KLHL32: variants seen among roughly 807,000 people sequenced by gnomAD.
The protein encoded by KLHL32 is kelch like family member 32.
In KLHL32, 35 loss-of-function variants were observed where a neutral mutation model predicts 64.8. The observed-to-expected ratio is 0.54, with a 90% confidence interval of 0.41 to 0.72. The LOEUF (loss-of-function observed/expected upper bound fraction) is 0.72. Among genes scored for constraint, KLHL32 ranks in the 30% least tolerant of loss-of-function variants. KLHL32 has a pLI of 0.00. For synonymous variants in KLHL32, 259 were observed against 281.0 expected (o/e 0.92, Z 0.78); for missense variants, 589 against 768.5 (o/e 0.77, Z 2.76).
rs1210280434 is a variant in KLHL32 at position 97,085,349 on chromosome 6, C to T, written c.627+8C>T. 6.2e-6 allele frequency: 10 copies of T among 1,610,876 alleles called. No homozygotes were observed. The highest frequency in any genetic ancestry group is 1.7e-5 in the Admixed American group (1 of 59,980). On this transcript the variant is annotated splice_region_variant and intron_variant, in intron 6 of 10. Coordinates refer to ENST00000369261, the MANE Select transcript of KLHL32 (RefSeq NM_052904.4). ...GAAGAGCAGATCTGGCAGGTAAGGG[C>T]GCTGTGCACGGTCGCTTTTGGCACT...
At chr6:96,983,054 A>G (rs1386772738) in intron 3 of KLHL32, among the ~76,000 whole-genome samples, 2 of 152,252 alleles carry the variant, frequency 1.3e-5, no homozygotes, top group Non-Finnish European at 2.9e-5. Context: ...GATACGTCCC[A>G]TCAATACCTA....
At chr6:96,998,285 C>T (rs1778632939) in intron 3 of KLHL32, among the ~76,000 whole-genome samples, 1 of 152,206 alleles carries the variant, frequency 6.6e-6, no homozygotes, top group Non-Finnish European at 1.5e-5. Flanking sequence ...CTTCTGGGCA[C>T]ATACTAAGCA....
intron 3 of KLHL32, among the ~76,000 whole-genome samples, chr6:97,008,217 C>T (rs1427432948): frequency 1.3e-5 from 2 of 152,090 alleles, no homozygotes; most frequent in Admixed American, 6.6e-5. Flanking sequence ...CGTGGCAGCC[C>T]TGTGTGTTTC....
chr6:97,057,835 T>A (rs1251533807), intron 4 of KLHL32, among the ~76,000 whole-genome samples: 1 of 152,168 alleles, frequency 6.6e-6, no homozygotes, highest in Non-Finnish European at 1.5e-5. Context: ...GTTATCTAGA[T>A]CTTCTCCTAT....
chr6:97,077,393 A>ATT (rs541096197), intron 5 of KLHL32, among the ~76,000 whole-genome samples: 20 of 148,012 alleles, frequency 1.4e-4, no homozygotes, highest in Non-Finnish European at 2.7e-4. Flanking sequence ...ATAATGTCTG[A>ATT]TTTTTTTTTT....
intron 3 of KLHL32, among the ~76,000 whole-genome samples, chr6:96,988,516 C>G (rs1420544087): frequency 6.6e-6 from 1 of 152,126 alleles, no homozygotes; most frequent in African/African-American, 2.4e-5. Context: ...GGACTGTAAA[C>G]TAGTTCAACC....
intron 1 of KLHL32, among the ~76,000 whole-genome samples, chr6:96,937,139 A>G (rs1770707793): frequency 1.3e-5 from 2 of 152,206 alleles, no homozygotes; most frequent in Non-Finnish European, 2.9e-5. Context: ...AGTTTGTAGC[A>G]AATGTATAGC....
At chr6:97,103,431 T>C (rs747430069) in intron 6 of KLHL32, among the ~76,000 whole-genome samples, 1 of 152,166 alleles carries the variant, frequency 6.6e-6, no homozygotes, top group Admixed American at 6.5e-5. Context: ...GCCAGGATGG[T>C]CTCGATCTCC....
chr6:97,034,702 G>T (rs1481623500), intron 3 of KLHL32, among the ~76,000 whole-genome samples: 1 of 151,858 alleles, frequency 6.6e-6, no homozygotes, highest in East Asian at 1.9e-4. Flanking sequence ...ATAATTTTCA[G>T]TTAACAAGTC....
chr6:97,010,324 G>T (rs947843480), intron 3 of KLHL32: 1 of 152,072 alleles, frequency 6.6e-6, no homozygotes, highest in Non-Finnish European at 1.5e-5. Flanking sequence ...GTGGAGCAGG[G>T]TTGCTGTATT....
intron 3 of KLHL32, among the ~76,000 whole-genome samples, chr6:97,031,785 T>C (rs1288929156): frequency 6.6e-6 from 1 of 152,122 alleles, no homozygotes; most frequent in East Asian, 1.9e-4. Flanking sequence ...AAGCCAGAGA[T>C]AGGGATTTAG....
chr6:97,011,890 G>GC (rs1419050803), intron 3 of KLHL32, among the ~76,000 whole-genome samples: 1 of 152,120 alleles, frequency 6.6e-6, no homozygotes, highest in Non-Finnish European at 1.5e-5. Context: ...TTATTTGTTT[G>GC]CTAACCTCAG....
At position 97,104,817 on chromosome 6, in the gene KLHL32, G is replaced by C. The variant is rs1796189661; in HGVS notation, c.628-8966G>C. On this transcript the variant is annotated intron_variant, in intron 6 of 10. Coordinates refer to ENST00000369261, the MANE Select transcript of KLHL32 (RefSeq NM_052904.4). ...TTCTGGTAAAGGAAAATGCTCTGAT[G>C]CTGCGTCCCTAGTTTCTGGTGCTTT... 2.0e-5 allele frequency among the ~76,000 whole-genome samples: 3 copies of C among 152,192 alleles called. No homozygotes were observed. The South Asian group carries it at 6.2e-4, about 31-fold the overall frequency.
At chr6:97,108,685 T>C (rs1178411431) in intron 6 of KLHL32, among the ~76,000 whole-genome samples, 1 of 152,256 alleles carries the variant, frequency 6.6e-6, no homozygotes, top group Non-Finnish European at 1.5e-5. Context: ...AGTAACACTT[T>C]TACATTTATG....
intron 4 of KLHL32, among the ~76,000 whole-genome samples, chr6:97,045,306 A>G (rs907368314): frequency 1.3e-5 from 2 of 152,128 alleles, no homozygotes; most frequent in Non-Finnish European, 2.9e-5. Context: ...TAAATCATGT[A>G]TTTTGTGTTT....
chr6:97,099,038 G>T (rs893611759), intron 6 of KLHL32, among the ~76,000 whole-genome samples: 2 of 152,172 alleles, frequency 1.3e-5, no homozygotes, highest in African/African-American at 4.8e-5. Flanking sequence ...TCAAGCAAAG[G>T]CCGTTTCATC....
At chr6:96,940,345 A>G (rs1276808574) in intron 1 of KLHL32, among the ~76,000 whole-genome samples, 1 of 152,198 alleles carries the variant, frequency 6.6e-6, no homozygotes, top group East Asian at 1.9e-4. Context: ...AGAGAGGGAT[A>G]AGCAAAAAGG....
the KLHL32 span, among the ~76,000 whole-genome samples, chr6:96,898,875 T>C: frequency 6.6e-6 from 1 of 152,210 alleles, no homozygotes; most frequent in Non-Finnish European, 1.5e-5. Flanking sequence ...GTATTTCTCT[T>C]ACTGTGGCTG....
chr6:96,987,125 G>T (rs535393773), intron 3 of KLHL32, among the ~76,000 whole-genome samples: 1 of 151,928 alleles, frequency 6.6e-6, no homozygotes, highest in Non-Finnish European at 1.5e-5. Context: ...TCTTGCTAGC[G>T]GTCTATCAAT....
Sources: allele counts gnomAD v4.1 joint callset (sites outside exome capture counted in the v4.1 genomes callset), GRCh38; gene constraint gnomAD v4.1.1; transcripts MANE v1.5; gene names NCBI Gene and HGNC (gene_info 2026-07-23, HGNC 2026-07-21).